THSD7B: variants seen among roughly 807,000 people sequenced by gnomAD.
THSD7B encodes thrombospondin type-1 domain-containing protein 7B.
Under a neutral mutation model 213.6 loss-of-function variants are expected in THSD7B, and 138 were observed. The ratio of observed to expected loss-of-function variants is 0.65; its 90% CI spans 0.56 to 0.74. The LOEUF (loss-of-function observed/expected upper bound fraction) is 0.74, where lower values mean the gene tolerates loss of function less well. Ranked by LOEUF, THSD7B falls within the 30% of genes least tolerant of loss-of-function variation. The pLI is 0.00. For synonymous variants in THSD7B, 742 were observed against 687.0 expected (o/e 1.08, Z -1.25); for missense variants, 1,931 against 1,991.5 (o/e 0.97, Z 0.58).
At chr2:137,596,988 C>A (rs906028271) in intron 17 of THSD7B, among the ~76,000 whole-genome samples, 1 of 151,964 alleles carries the variant, frequency 6.6e-6, no homozygotes, top group East Asian at 1.9e-4. Context: ...TGATTAGTTT[C>A]GTAAATATTT....
At chr2:137,165,522 CT>C (rs1680109530) in intron 6 of THSD7B, among the ~76,000 whole-genome samples, 2 of 152,012 alleles carry the variant, frequency 1.3e-5, no homozygotes. Flanking sequence ...TCCCATGATT[CT>C]ACTGTGAGTA....
chr2:137,096,591 C>T (rs1160802230), intron 4 of THSD7B, among the ~76,000 whole-genome samples: 1 of 152,054 alleles, frequency 6.6e-6, no homozygotes, highest in African/African-American at 2.4e-5. Flanking sequence ...GCCTTTTTAC[C>T]ACAAACTCTC....
chr2:137,170,100 A>G (rs1342069678), intron 6 of THSD7B, among the ~76,000 whole-genome samples: 1 of 152,160 alleles, frequency 6.6e-6, no homozygotes, highest in Non-Finnish European at 1.5e-5. Flanking sequence ...TGTAAAATAC[A>G]TCTATGTTCT....
intron 2 of THSD7B, among the ~76,000 whole-genome samples, chr2:136,957,852 C>G (rs967553513): frequency 4.6e-5 from 7 of 152,126 alleles, no homozygotes; most frequent in Non-Finnish European, 1.5e-5. Context: ...CAGTATTTTT[C>G]TTAGCATCTT....
At chr2:136,942,883 CTG>C (rs1684856239) in intron 2 of THSD7B, among the ~76,000 whole-genome samples, 2 of 152,200 alleles carry the variant, frequency 1.3e-5, no homozygotes, top group Admixed American at 1.3e-4. Flanking sequence ...ACTTCCAACA[CTG>C]TGTTGAATAG....
intron 15 of THSD7B, among the ~76,000 whole-genome samples, chr2:137,561,716 T>C (rs547561152): frequency 6.6e-6 from 1 of 152,262 alleles, no homozygotes; most frequent in South Asian, 2.1e-4. Flanking sequence ...TACTATCCTA[T>C]GACTGTTATG....
intron 12 of THSD7B, among the ~76,000 whole-genome samples, chr2:137,378,515 G>A (rs1399677294): frequency 2.0e-5 from 3 of 152,166 alleles, no homozygotes; most frequent in Admixed American, 1.3e-4. Flanking sequence ...GTTTCATCAT[G>A]GCTGATGGAG....
intron 12 of THSD7B, among the ~76,000 whole-genome samples, chr2:137,403,120 A>G (rs989632479): frequency 5.3e-5 from 8 of 152,086 alleles, no homozygotes; most frequent in African/African-American, 1.5e-4. Flanking sequence ...TGCGACGTGG[A>G]TAAAAACGAA....
intron 7 of THSD7B, among the ~76,000 whole-genome samples, chr2:137,211,612 C>T (rs1481585389): frequency 1.3e-5 from 2 of 151,958 alleles, no homozygotes; most frequent in African/African-American, 4.8e-5. Context: ...TAATGGCTTG[C>T]TGACTTGGAA....
chr2:137,185,002 A>C (rs1194951023), intron 7 of THSD7B, among the ~76,000 whole-genome samples: 1 of 152,096 alleles, frequency 6.6e-6, no homozygotes, highest in Non-Finnish European at 1.5e-5. Context: ...TTGTTTTGTC[A>C]TTCCCTCATT....
At chr2:137,093,840 C>T (rs1687994256) in intron 3 of THSD7B, among the ~76,000 whole-genome samples, 1 of 152,092 alleles carries the variant, frequency 6.6e-6, no homozygotes, top group African/African-American at 2.4e-5. Flanking sequence ...ATACATGTGC[C>T]ATGCTGGTAT....
At chr2:137,075,996 A>C (rs553483949) in intron 3 of THSD7B, among the ~76,000 whole-genome samples, 2 of 152,146 alleles carry the variant, frequency 1.3e-5, no homozygotes, top group South Asian at 4.2e-4. Context: ...GTCTGCCCCT[A>C]CTGGGGGGTG....
intron 17 of THSD7B, among the ~76,000 whole-genome samples, chr2:137,593,399 T>C (rs1388831027): frequency 6.6e-6 from 1 of 152,006 alleles, no homozygotes; most frequent in African/African-American, 2.4e-5. Flanking sequence ...TAGGAAACTT[T>C]CAATTTTAAT....
At chr2:137,583,106 T>C (rs575908419) in intron 17 of THSD7B, among the ~76,000 whole-genome samples, 38 of 152,378 alleles carry the variant, frequency 2.5e-4, no homozygotes, top group African/African-American at 8.9e-4. Flanking sequence ...ATGAGCATTT[T>C]TTCATGTGTC....
intron 17 of THSD7B, among the ~76,000 whole-genome samples, chr2:137,597,906 A>G (rs1309861369): frequency 6.6e-6 from 1 of 152,140 alleles, no homozygotes; most frequent in Non-Finnish European, 1.5e-5. Context: ...CTCAGTTTTC[A>G]TATCTATAAT....
chr2:137,519,787 T>C (rs1171199236), intron 15 of THSD7B, among the ~76,000 whole-genome samples: 1 of 152,252 alleles, frequency 6.6e-6, no homozygotes, highest in East Asian at 1.9e-4. Context: ...TTTTTATACA[T>C]GTAAACTTTC....
intron 15 of THSD7B, among the ~76,000 whole-genome samples, chr2:137,452,351 A>C (rs1687668475): frequency 6.6e-6 from 1 of 152,092 alleles, no homozygotes; most frequent in Admixed American, 6.5e-5. Flanking sequence ...AATATGATTA[A>C]TGAAAACTGG....
intron 20 of THSD7B, among the ~76,000 whole-genome samples, chr2:137,634,596 A>G (rs1381341129): frequency 6.6e-6 from 1 of 152,204 alleles, no homozygotes; most frequent in Non-Finnish European, 1.5e-5. Context: ...CATAATTTCC[A>G]GTAAATTCAA....
intron 15 of THSD7B, among the ~76,000 whole-genome samples, chr2:137,468,961 C>A (rs1688043636): frequency 6.6e-6 from 1 of 152,040 alleles, no homozygotes; most frequent in Admixed American, 6.6e-5. Flanking sequence ...ATTGCTAATT[C>A]TGTGTATTTG....
Sources: allele counts gnomAD v4.1 joint callset (sites outside exome capture counted in the v4.1 genomes callset), GRCh38; gene constraint gnomAD v4.1.1; transcripts MANE v1.5; gene names NCBI Gene and HGNC (gene_info 2026-07-23, HGNC 2026-07-21).